TLL1: variants seen among roughly 807,000 people sequenced by gnomAD.
The protein encoded by TLL1 is tolloid like 1.
In TLL1, 49 loss-of-function variants were observed where a neutral mutation model predicts 128.2. The ratio of observed to expected loss-of-function variants is 0.38; its 90% confidence interval spans 0.30 to 0.48. The LOEUF is 0.48. Among genes scored for constraint, TLL1 ranks in the 20% least tolerant of loss-of-function variants. The probability of loss-of-function intolerance (pLI) is 0.96; values close to 1 mark genes in which losing one functional copy is unlikely to be tolerated. For synonymous variants in TLL1, 454 were observed against 418.8 expected (o/e 1.08, Z -1.03); for missense variants, 1,123 against 1,242.0 (o/e 0.90, Z 1.44).
chr4:165,990,626 G>A (rs1383474010), intron 2 of TLL1, among the ~76,000 whole-genome samples: 1 of 151,786 alleles, frequency 6.6e-6, no homozygotes, highest in Non-Finnish European at 1.5e-5. Flanking sequence ...ATGCATACGT[G>A]TGTTTAAAAC....
chr4:166,075,173 T>C (rs546072174), intron 17 of TLL1, among the ~76,000 whole-genome samples, 170 bp downstream of exon 17: 2 of 152,336 alleles, frequency 1.3e-5, no homozygotes, highest in African/African-American at 4.8e-5. Context: ...GGCAGATGAC[T>C]GGATCTGTAC....
chr4:165,918,011 G>A (rs572979252), intron 1 of TLL1, among the ~76,000 whole-genome samples: 36 of 152,124 alleles, frequency 2.4e-4, no homozygotes, highest in Non-Finnish European at 5.1e-4. Flanking sequence ...ATTTGAAGAT[G>A]TAATTTTAGA....
In TLL1 at chr4:166,097,070, A is replaced by G. The variant is rs922290963; in HGVS notation, c.2657-2207A>G. Reference sequence around the variant, plus strand: ...TCAAGCATTTTTCATATATGAACCTAAGCACTCTTCATCTGGACCCTATGA... The same window carrying G: ...TCAAGCATTTTTCATATATGAACCTGAGCACTCTTCATCTGGACCCTATGA... On this transcript the variant is annotated intron_variant, in intron 19 of 20. Transcript: ENST00000061240. Among the ~76,000 whole-genome samples the G allele has an allele frequency of 1.3e-5, 2 of 152,054 alleles. 1 individual carries two copies. Among genetic ancestry groups the G allele is most frequent in the South Asian group, 4.1e-4 (2 of 4,828 alleles).
chr4:165,965,246 A>T (rs537764985), intron 1 of TLL1, among the ~76,000 whole-genome samples: 1 of 152,272 alleles, frequency 6.6e-6, no homozygotes, highest in African/African-American at 2.4e-5. Flanking sequence ...AGTTTAGATA[A>T]TTTTTGATGA....
intron 1 of TLL1, among the ~76,000 whole-genome samples, chr4:165,936,363 G>C (rs1417160399): frequency 9.3e-5 from 14 of 151,176 alleles, no homozygotes. Context: ...GGAATTACAG[G>C]CATGCGCCAC....
At chr4:165,891,798 C>T (rs551640742) in intron 1 of TLL1, among the ~76,000 whole-genome samples, 14 of 152,186 alleles carry the variant, frequency 9.2e-5, no homozygotes, top group Non-Finnish European at 1.9e-4. Flanking sequence ...TAAATTTTCC[C>T]ACATTTTCCT....
rs1297017757 is a variant in TLL1, at chr4:166,064,864, A to T, written c.2008-819A>T. 2.0e-5 allele frequency among the ~76,000 whole-genome samples: 3 copies of T among 152,136 alleles called. No individual in the cohort carries two copies. The East Asian group carries it at 5.8e-4, about 29-fold the overall frequency. Reference sequence around the variant, plus strand: ...AGAAGAACCAGTAATTTGAGTTGACATATTTCAAAGCACAGATCTTGCCCC... The same window carrying T: ...AGAAGAACCAGTAATTTGAGTTGACTTATTTCAAAGCACAGATCTTGCCCC... On this transcript the variant is annotated intron_variant, in intron 15 of 20. Transcript: ENST00000061240.
At chr4:166,066,784 G>A (rs1175957901) in intron 16 of TLL1, among the ~76,000 whole-genome samples, 1 of 151,772 alleles carries the variant, frequency 6.6e-6, no homozygotes, top group African/African-American at 2.4e-5. Context: ...AATGGACCTC[G>A]GCTCCCGTGT....
intron 16 of TLL1, among the ~76,000 whole-genome samples, chr4:166,070,599 C>T (rs898093100): frequency 6.6e-6 from 1 of 151,898 alleles, no homozygotes; most frequent in Non-Finnish European, 1.5e-5. Context: ...AGCCTAGGGA[C>T]TTGCTCAAGG....
At chr4:165,963,718 A>G (rs1735232868) in intron 1 of TLL1, among the ~76,000 whole-genome samples, 1 of 152,190 alleles carries the variant, frequency 6.6e-6, no homozygotes, top group South Asian at 2.1e-4. Flanking sequence ...GATGCTCAAC[A>G]GATAACACAC....
At chr4:166,029,791 C>T (rs1738674637) in intron 9 of TLL1, among the ~76,000 whole-genome samples, 1 of 152,086 alleles carries the variant, frequency 6.6e-6, no homozygotes, top group African/African-American at 2.4e-5. Context: ...TCTCACTTAG[C>T]ATAATGCCCT....
chr4:166,071,505 T>G (rs1256543254), intron 16 of TLL1, among the ~76,000 whole-genome samples: 1 of 151,992 alleles, frequency 6.6e-6, no homozygotes, highest in Admixed American at 6.6e-5. Flanking sequence ...TAAAACACTT[T>G]TTTTCTTCAT....
intron 1 of TLL1, among the ~76,000 whole-genome samples, chr4:165,963,567 G>A (rs1024152645): frequency 6.6e-6 from 1 of 151,996 alleles, no homozygotes; most frequent in Non-Finnish European, 1.5e-5. Context: ...GTAATTTTAA[G>A]ATTTTTTAAT....
At chr4:166,007,446 C>G (rs972990693) in intron 6 of TLL1, among the ~76,000 whole-genome samples, 4 of 151,564 alleles carry the variant, frequency 2.6e-5, no homozygotes, top group African/African-American at 7.3e-5. Flanking sequence ...GTGATGAAAT[C>G]GTGGAGCAAA....
intron 1 of TLL1, among the ~76,000 whole-genome samples, chr4:165,946,343 C>CT (rs137955144): frequency 0.029 from 4,225 of 147,528 alleles, 191 homozygotes; most frequent in African/African-American, 0.096. Context: ...TTTGTCATTC[C>CT]TTTTTTTTTT....
chr4:166,036,557 A>G (rs970752855), intron 9 of TLL1, among the ~76,000 whole-genome samples: 1 of 152,208 alleles, frequency 6.6e-6, no homozygotes, highest in African/African-American at 2.4e-5. Flanking sequence ...TTTGTTATTC[A>G]AGTACGAATC....
chr4:165,977,451 TC>T (rs1298062195), intron 1 of TLL1, among the ~76,000 whole-genome samples: 3 of 152,092 alleles, frequency 2.0e-5, no homozygotes, highest in Non-Finnish European at 2.9e-5. Flanking sequence ...AGTGAGTCAA[TC>T]AAACCTCTTT....
chr4:166,100,886 C>A lies in TLL1; in HGVS notation c.*10C>A. On this transcript the variant is annotated 3_prime_UTR_variant, in exon 21 of 21. Coordinates refer to ENST00000061240, the MANE Select transcript of TLL1 (RefSeq NM_012464.5). ...ACATACCAAAAAATAACACCAAAAC[C>A]TCTGTCAGAACACAAAGGAATGTGC... 1 of 1,612,022 alleles carries A rather than the reference C, an allele frequency of 6.2e-7. No homozygotes were observed. The highest frequency in any genetic ancestry group is 1.1e-5 in the South Asian group (1 of 91,034).
intron 18 of TLL1, among the ~76,000 whole-genome samples, chr4:166,086,626 C>T (rs1342266818): frequency 6.6e-6 from 1 of 152,040 alleles, no homozygotes; most frequent in East Asian, 1.9e-4. Context: ...ATCCTGGATC[C>T]CCAAAGTGTC....
Sources: gnomAD v4.1 joint callset for allele counts (sites outside exome capture counted in the v4.1 genomes callset) on GRCh38, gnomAD v4.1.1 for gene constraint, MANE v1.5 for transcripts, NCBI Gene and HGNC (gene_info 2026-07-23, HGNC 2026-07-21) for gene names.